The following HAGH variants were observed in gnomAD, a reference collection of about 807,000 sequenced individuals.
The protein encoded by HAGH is hydroxyacylglutathione hydrolase.
HAGH carries 29 observed loss-of-function variants against 35.1 expected under a neutral mutation model. The observed-to-expected ratio is 0.83, with a 90% CI of 0.62 to 1.13. The LOEUF is 1.13. Among genes scored for constraint, HAGH ranks in the 50% most tolerant of loss-of-function variants. The pLI, the probability that HAGH is intolerant of heterozygous loss-of-function variation, is 0.00. For synonymous variants in HAGH, 225 were observed against 176.1 expected (o/e 1.28, Z -2.20); for missense variants, 478 against 419.6 (o/e 1.14, Z -1.22).
intron 6 of HAGH, 45 bp from the exon 7 acceptor site, chr16:1,817,039 T>A (rs11860469): frequency 4.9e-6 from 7 of 1,440,786 alleles, no homozygotes; most frequent in South Asian, 1.1e-5. Context: ...TGTTACCACC[T>A]GTGAAAGTCC....
intron 5 of HAGH, chr16:1,818,694 A>T (rs1450286340): frequency 1.2e-5 from 2 of 165,316 alleles, no homozygotes; most frequent in Admixed American, 1.3e-4. Flanking sequence ...CGGCCATATG[A>T]CCTCCACAGG....
chr16:1,820,762 G>T (rs1178442265), intron 3 of HAGH, among the ~76,000 whole-genome samples: 1 of 152,116 alleles, frequency 6.6e-6, no homozygotes, highest in East Asian at 1.9e-4. Context: ...GGCACCACTG[G>T]GCCCCAAGAT....
Position 1,814,671 on chromosome 16 carries a change from G to A in HAGH, c.747+2222C>T, listed in dbSNP as rs191583488. ...TCCCAGCACTTTGGGAGGCCGAGGC[G>A]GGTGGATCACGAGGTCAGGAGATCG... is the stretch of plus-strand genomic sequence containing the variant. On this transcript the variant is annotated intron_variant, in intron 7 of 8. Transcript: ENST00000397356. 3.4e-3 allele frequency among the ~76,000 whole-genome samples: 503 copies of A among 149,484 alleles called. 4 individuals carry two copies. The highest frequency in any genetic ancestry group is 8.5e-3 in the African/African-American group (350 of 41,324).
rs752617393 is a variant in HAGH, at chr16:1,822,303, T to G, written c.311A>C (p.His104Pro). The G allele has an allele frequency of 6.2e-7, 1 of 1,605,162 alleles. No homozygotes were observed. Residue 104 changes from histidine to proline, a missense_variant, in exon 3 of 9, where the codon CAC (histidine) becomes CCC (proline). Physicochemically the swap from His to Pro is moderately conservative, Grantham distance 77 (BLOSUM62 -2). Coordinates refer to ENST00000397356, the MANE Select transcript of HAGH (RefSeq NM_005326.6). ...CCAGGTGAGACGCGGCACTTACCAG[T>G]GGTGGTGGGTGGTGAGCACTGTGGT... ...KLTTVLTTHHHWDHAGGNEKL... is the reference protein window; with the variant it reads ...KLTTVLTTHHPWDHAGGNEKL...
At chr16:1,824,678 G>A (rs916231807) in intron 1 of HAGH, among the ~76,000 whole-genome samples, 13 of 152,148 alleles carry the variant, frequency 8.5e-5, no homozygotes, top group African/African-American at 2.7e-4. Context: ...CGTCTCCAGG[G>A]CCCACCGAAA....
chr16:1,815,932 ATTTTTTTTTTTTTT>A (rs61101799), intron 7 of HAGH, among the ~76,000 whole-genome samples: 1 of 102,216 alleles, frequency 9.8e-6, no homozygotes, highest in Non-Finnish European at 1.9e-5. Context: ...GGCAGGGAGA[ATTTTTTTTTTTTTT>A]TTTTTTTTTT....
chr16:1,819,002 C>T, intron 5 of HAGH, 113 bp downstream of exon 5: 1 of 682,720 alleles, frequency 1.5e-6, no homozygotes, highest in Non-Finnish European at 2.7e-6. Context: ...CCCCTGGGCC[C>T]CCTCACACCG....
intron 5 of HAGH, 43 bp downstream of exon 5, chr16:1,819,072 C>G (rs777039927): frequency 6.6e-5 from 81 of 1,233,948 alleles, no homozygotes; most frequent in Non-Finnish European, 9.3e-5. Context: ...GACACAGGGT[C>G]TTCACGAAGA....
upstream of HAGH, chr16:1,826,926 G>A: frequency 1.6e-6 from 1 of 630,324 alleles, no homozygotes; most frequent in Non-Finnish European, 2.5e-6. Flanking sequence ...ACCAATCAAC[G>A]CGCTCGCGCT....
At position 1,819,902 on chromosome 16, in the gene HAGH, G is replaced by C; in HGVS notation, c.427C>G (p.Leu143Val). ...LTHKITHLST[L>V]QVGSLNVKCL... ...CTCCAGGGCTCACTCCTTACCTGCA[G>C]TGTGGACAGGTGAGTGATCTTGTGA... Residue 143 changes from leucine to valine, a missense_variant, in exon 4 of 9, where the codon CTG (leucine) becomes GTG (valine). By Grantham distance (32) the Leu-to-Val change is conservative. Coordinates refer to ENST00000397356, the MANE Select transcript of HAGH (RefSeq NM_005326.6). 5 of 1,592,698 alleles carry C rather than the reference G, an allele frequency of 3.1e-6. No homozygotes were observed. The highest frequency in any genetic ancestry group is 3.4e-6 in the Non-Finnish European group (4 of 1,160,746).
chr16:1,821,591 T>C (rs1321004055), intron 3 of HAGH: 1 of 152,246 alleles, frequency 6.6e-6, no homozygotes, highest in East Asian at 1.9e-4. Flanking sequence ...TATTCATCCA[T>C]TTTCAAGGAT....
At chr16:1,817,705 G>C (rs528017432) in intron 5 of HAGH, among the ~76,000 whole-genome samples, 1 of 152,318 alleles carries the variant, frequency 6.6e-6, no homozygotes, top group East Asian at 1.9e-4. Flanking sequence ...TCTCACCCAT[G>C]GCGGAAGATG....
Position 1,826,540 on chromosome 16 carries a change from C to T in HAGH, c.76+172G>A, listed in dbSNP as rs933577884. 4 of 714,346 alleles carry T rather than the reference C, an allele frequency of 5.6e-6. No homozygotes were observed. The African/African-American group carries it at 7.4e-5, about 13-fold the overall frequency. 44.3% of individuals were successfully genotyped at this position (714,346 alleles called of 1,614,324 possible). On this transcript the variant is annotated intron_variant, in intron 1 of 8. Coordinates refer to ENST00000397356, the MANE Select transcript of HAGH (RefSeq NM_005326.6). ...TTCCGCACCCGCGGCCCCGCGCCCG[C>T]TCCGCGCCAGCCTCAGCGCCTGCGC...
intron 7 of HAGH, among the ~76,000 whole-genome samples, chr16:1,816,337 CGGGTGATTTAT>C (rs1465764649): frequency 3.3e-5 from 5 of 151,858 alleles, no homozygotes; most frequent in Non-Finnish European, 7.4e-5. Flanking sequence ...CTCAAAAAAC[CGGGTGATTTAT>C]TTAAAACAAC....
chr16:1,809,278 C>A lies in HAGH; in HGVS notation c.*5G>T. The A allele has an allele frequency of 6.3e-7, 1 of 1,589,554 alleles. No homozygotes were observed. Among genetic ancestry groups the A allele is most frequent in the Non-Finnish European group, 8.6e-7 (1 of 1,161,018 alleles). The stretch of plus-strand genomic sequence containing the variant: ...CCCCAAATCCGCTGAAGGTGCAGGG[C>A]GGCCTCAGTCCCGGGGCATCTTGAA... On this transcript the variant is annotated 3_prime_UTR_variant, in exon 9 of 9. Coordinates refer to ENST00000397356, the MANE Select transcript of HAGH (RefSeq NM_005326.6).
chr16:1,824,219 CAAAA>C (rs1167533010), intron 1 of HAGH, among the ~76,000 whole-genome samples: 12 of 139,970 alleles, frequency 8.6e-5, no homozygotes, highest in Admixed American at 2.1e-4. Context: ...GAGACAGTCT[CAAAA>C]AAAAAAAAAA....
At position 1,817,284 on chromosome 16, in the gene HAGH, A is replaced by G; in HGVS notation, c.542-13T>C. 6.4e-7 allele frequency: 1 copy of G among 1,573,598 alleles called. No individual in the cohort carries two copies. Among genetic ancestry groups the G allele is most frequent in the Non-Finnish European group, 8.7e-7 (1 of 1,143,152 alleles). ...AACAAGGTGTCACCTGGAAACAAGGACAGCCACGAGGTGGGGGCCACTTGA... is the reference window on the plus strand; with the variant it reads ...AACAAGGTGTCACCTGGAAACAAGGGCAGCCACGAGGTGGGGGCCACTTGA... On this transcript the variant is annotated splice_polypyrimidine_tract_variant and intron_variant, in intron 5 of 8. Transcript: ENST00000397356.
chr16:1,824,315 G>A (rs1182544994), intron 1 of HAGH, among the ~76,000 whole-genome samples: 3 of 139,374 alleles, frequency 2.2e-5, no homozygotes. Flanking sequence ...ACGGAAAGTT[G>A]GCCACAACTG....
At chr16:1,820,787 G>A (rs1898119974) in intron 3 of HAGH, among the ~76,000 whole-genome samples, 1 of 152,278 alleles carries the variant, frequency 6.6e-6, no homozygotes, top group East Asian at 1.9e-4. Context: ...GGGTGGAGTG[G>A]TGGCCGCTGC....
Sources: gnomAD v4.1 joint callset for allele counts (sites outside exome capture counted in the v4.1 genomes callset) on GRCh38, gnomAD v4.1.1 for gene constraint, MANE v1.5 for transcripts, NCBI Gene and HGNC (gene_info 2026-07-23, HGNC 2026-07-21) for gene names.